The following AGBL4 variants were observed in gnomAD, a reference collection of about 807,000 sequenced individuals.
AGBL4 encodes the protein cytosolic carboxypeptidase 6.
In AGBL4, 58 loss-of-function variants were observed where a neutral mutation model predicts 66.4. The ratio of observed to expected loss-of-function variants is 0.87; its 90% confidence interval spans 0.71 to 1.09. The LOEUF (loss-of-function observed/expected upper bound fraction) is 1.09, where lower values mean the gene tolerates loss of function less well. Among genes scored for constraint, AGBL4 ranks in the 50% least tolerant of loss-of-function variants. AGBL4 has a pLI of 0.00. For synonymous variants in AGBL4, 234 were observed against 222.9 expected (o/e 1.05, Z -0.44); for missense variants, 579 against 631.0 (o/e 0.92, Z 0.88).
chr1:49,924,190 C>CA (rs1463764742), intron 1 of AGBL4, among the ~76,000 whole-genome samples: 1 of 152,012 alleles, frequency 6.6e-6, no homozygotes, highest in African/African-American at 2.4e-5. Context: ...AACACAGGAA[C>CA]AAAAAACCAA....
At chr1:48,894,004 T>G (rs1036040698) in intron 5 of AGBL4, among the ~76,000 whole-genome samples, 2 of 152,212 alleles carry the variant, frequency 1.3e-5, no homozygotes. Context: ...TAAGCTTTCA[T>G]CATGTACTGG....
At chr1:48,669,548 C>A (rs1244182558) in intron 6 of AGBL4, among the ~76,000 whole-genome samples, 1 of 152,176 alleles carries the variant, frequency 6.6e-6, no homozygotes, top group African/African-American at 2.4e-5. Context: ...AGTCAAGAAC[C>A]ACTCTCCTAC....
chr1:49,784,420 T>A (rs905193238), intron 2 of AGBL4, among the ~76,000 whole-genome samples: 1 of 152,100 alleles, frequency 6.6e-6, no homozygotes, highest in Admixed American at 6.5e-5. Flanking sequence ...AAACTGGATA[T>A]CTACTCACAA....
chr1:49,741,345 A>G (rs1650445436), intron 2 of AGBL4, among the ~76,000 whole-genome samples: 1 of 152,180 alleles, frequency 6.6e-6, no homozygotes, highest in South Asian at 2.1e-4. Flanking sequence ...CCCAAGACTA[A>G]ACCATGAAGA....
chr1:49,791,558 T>C (rs890439891), intron 2 of AGBL4, among the ~76,000 whole-genome samples: 3 of 152,084 alleles, frequency 2.0e-5, no homozygotes, highest in African/African-American at 7.2e-5. Context: ...AGACACTACA[T>C]AATCTAATCC....
intron 3 of AGBL4, among the ~76,000 whole-genome samples, chr1:49,408,345 T>G (rs186338085): frequency 9.5e-4 from 145 of 152,362 alleles, no homozygotes; most frequent in Non-Finnish European, 1.1e-3. Context: ...GTAAAGCACT[T>G]CGCAATCTAT....
At chr1:48,529,362 T>C (rs1643894886), downstream of AGBL4, among the ~76,000 whole-genome samples, 1 of 152,070 alleles carries the variant, frequency 6.6e-6, no homozygotes, top group Non-Finnish European at 1.5e-5. Context: ...AAAGAGTTTT[T>C]CTCAGTTCCA....
At chr1:48,572,796 G>A (rs183076162) in intron 11 of AGBL4, among the ~76,000 whole-genome samples, 134 of 152,236 alleles carry the variant, frequency 8.8e-4, no homozygotes, top group African/African-American at 3.0e-3. Flanking sequence ...CCTCGATGTG[G>A]AAGGGAGCCT....
intron 4 of AGBL4, among the ~76,000 whole-genome samples, chr1:49,090,192 A>T (rs1644978065): frequency 6.6e-6 from 1 of 152,056 alleles, no homozygotes; most frequent in Admixed American, 6.6e-5. Flanking sequence ...AAGAATGCTC[A>T]CTCTCACCAC....
chr1:48,780,497 C>G (rs1045558318), intron 6 of AGBL4, among the ~76,000 whole-genome samples: 4 of 152,066 alleles, frequency 2.6e-5, no homozygotes, highest in Non-Finnish European at 4.4e-5. Flanking sequence ...AAGAACAAAA[C>G]TGAGGCATCA....
At chr1:48,780,306 A>G (rs572367813) in intron 6 of AGBL4, among the ~76,000 whole-genome samples, 74 of 151,638 alleles carry the variant, frequency 4.9e-4, no homozygotes, top group Non-Finnish European at 7.8e-4. Context: ...AAAACATTCC[A>G]TGCTCATGGA....
intron 1 of AGBL4, among the ~76,000 whole-genome samples, 193 bp downstream of exon 1, chr1:50,023,541 CACTAACCCACACTCCCCTCCACCACCCGG>C (rs1305603311): frequency 3.9e-5 from 6 of 152,188 alleles, no homozygotes; most frequent in Non-Finnish European, 7.3e-5. Context: ...GAAGTGTGCA[CACTAACCCACACTCCCCTCCACCACCCGG>C]ACTTCGAGGT....
intron 11 of AGBL4, among the ~76,000 whole-genome samples, chr1:48,566,261 T>C (rs750881353): frequency 9.2e-5 from 14 of 152,244 alleles, no homozygotes; most frequent in Non-Finnish European, 1.6e-4. Flanking sequence ...TTATTCATCA[T>C]GACCCACTCT....
At chr1:49,797,859 G>A (rs991305682) in intron 2 of AGBL4, among the ~76,000 whole-genome samples, 4 of 151,864 alleles carry the variant, frequency 2.6e-5, no homozygotes, top group Non-Finnish European at 2.9e-5. Flanking sequence ...CGCCTCCCGC[G>A]TTCAAGCGAT....
At chr1:48,791,887 T>A (rs1645561437) in intron 6 of AGBL4, among the ~76,000 whole-genome samples, 2 of 152,212 alleles carry the variant, frequency 1.3e-5, no homozygotes, top group African/African-American at 4.8e-5. Flanking sequence ...CCACCTTATC[T>A]GTGCCAGACT....
intron 3 of AGBL4, among the ~76,000 whole-genome samples, chr1:49,445,659 A>G (rs1451671772): frequency 6.6e-6 from 1 of 151,992 alleles, no homozygotes; most frequent in East Asian, 1.9e-4. Context: ...GAAGGTTTCA[A>G]ATGTGTTTTG....
intron 7 of AGBL4, among the ~76,000 whole-genome samples, chr1:48,654,711 T>C (rs1012962182): frequency 7.2e-5 from 11 of 152,196 alleles, no homozygotes; most frequent in Admixed American, 6.5e-4. Context: ...CTTGGAATGA[T>C]AACTCGCTCC....
chr1:49,382,529 T>A (rs990823527), intron 3 of AGBL4, among the ~76,000 whole-genome samples: 58 of 152,058 alleles, frequency 3.8e-4, no homozygotes, highest in Non-Finnish European at 7.6e-4. Flanking sequence ...ATAAAGGTCA[T>A]ATATGAAAAA....
intron 3 of AGBL4, among the ~76,000 whole-genome samples, chr1:49,679,783 T>G (rs1035735693): frequency 6.6e-6 from 1 of 152,154 alleles, no homozygotes; most frequent in African/African-American, 2.4e-5. Context: ...CATATATACA[T>G]AACTTATCAT....
Sources: gnomAD v4.1 joint callset for allele counts (sites outside exome capture counted in the v4.1 genomes callset) on GRCh38, gnomAD v4.1.1 for gene constraint, MANE v1.5 for transcripts, NCBI Gene and HGNC (gene_info 2026-07-23, HGNC 2026-07-21) for gene names.